The following ZFAT variants were observed in gnomAD, a reference collection of about 807,000 sequenced individuals.
ZFAT encodes the protein zinc finger protein ZFAT.
A neutral mutation model predicts 117.7 loss-of-function variants in ZFAT; 64 were observed. The observed-to-expected ratio is 0.54, with a 90% CI of 0.44 to 0.67. The LOEUF (loss-of-function observed/expected upper bound fraction) is 0.67. Among genes scored for constraint, ZFAT ranks in the 30% least tolerant of loss-of-function variants. The pLI, the probability that ZFAT is intolerant of heterozygous loss-of-function variation, is 0.00. For synonymous variants in ZFAT, 679 were observed against 615.0 expected, an observed-to-expected ratio of 1.10 and a Z score of -1.54; for missense variants, 1,433 against 1,584.5, an observed-to-expected ratio of 0.90 and a Z score of 1.62.
rs148977305 is a variant in ZFAT, at chr8:134,639,873, C to T, written c.197-2161G>A. 73 of 433,164 alleles carry T rather than the reference C, an allele frequency of 1.7e-4. No homozygotes were observed. The East Asian group carries it at 4.6e-3, about 27-fold the overall frequency. The allele number at this position is 433,164 out of a possible 1,614,324, so 26.8% of individuals were successfully genotyped here. ...CCCAGTGACAGACTCTGCCATCCCG[C>T]AGACACAAGCCACTCCCCTGAAACA... On this transcript the variant is annotated intron_variant, in intron 2 of 15. Transcript: ENST00000377838.
the ZFAT span, chr8:134,796,862 T>C: frequency 2.6e-5 from 4 of 152,216 alleles, no homozygotes; most frequent in African/African-American, 7.2e-5. Context: ...CTGATATTAA[T>C]TTCTATATGT....
At chr8:134,776,170 A>G in the ZFAT span, among the ~76,000 whole-genome samples, 6 of 152,342 alleles carry the variant, frequency 3.9e-5, no homozygotes, top group Admixed American at 3.3e-4. Context: ...GTGGTATTAT[A>G]ATACTCATTT....
intron 12 of ZFAT, among the ~76,000 whole-genome samples, chr8:134,523,116 GAAGTTTTTTAA>G (rs1392293172): frequency 6.6e-6 from 1 of 152,116 alleles, no homozygotes; most frequent in Non-Finnish European, 1.5e-5. Context: ...CCATCATCCT[GAAGTTTTTTAA>G]AAGCCCCTCA....
chr8:134,729,298 C>T, the ZFAT span, among the ~76,000 whole-genome samples: 1 of 152,144 alleles, frequency 6.6e-6, no homozygotes, highest in Non-Finnish European at 1.5e-5. Context: ...ATTTGGGCTG[C>T]CCCTGGGATT....
intron 11 of ZFAT, among the ~76,000 whole-genome samples, chr8:134,560,515 T>C (rs1205563437): frequency 6.6e-6 from 1 of 152,232 alleles, no homozygotes; most frequent in Non-Finnish European, 1.5e-5. Context: ...GGCTCTGTCA[T>C]TGAGAACATT....
the ZFAT span, among the ~76,000 whole-genome samples, chr8:134,823,001 A>C: frequency 1.4e-4 from 21 of 152,228 alleles, no homozygotes; most frequent in Non-Finnish European, 2.4e-4. Context: ...GGAATATGAA[A>C]GTTTAGGACT....
At chr8:134,627,469 C>G (rs1425071870) in intron 3 of ZFAT, among the ~76,000 whole-genome samples, 11 of 152,262 alleles carry the variant, frequency 7.2e-5, no homozygotes, top group Non-Finnish European at 1.6e-4. Context: ...AAACTGATAG[C>G]TGAAGCCGAA....
At position 134,636,485 on chromosome 8, in the gene ZFAT, C is replaced by T. The variant is rs146488664; in HGVS notation, c.448+976G>A. Among the ~76,000 whole-genome samples the T allele has an allele frequency of 1.5e-3, 235 of 152,278 alleles. 1 individual carries two copies. The highest frequency in any genetic ancestry group is 5.4e-3 in the African/African-American group (223 of 41,544). ...AAAGCAACCATAGGAGACAGGACTG[C>T]TTTTATTCCAATTTTACGGATGAGG... On this transcript the variant is annotated intron_variant, in intron 3 of 15. Coordinates refer to ENST00000377838, the MANE Select transcript of ZFAT (RefSeq NM_020863.4).
At chr8:134,807,775 C>T in the ZFAT span, among the ~76,000 whole-genome samples, 1 of 150,352 alleles carries the variant, frequency 6.7e-6, no homozygotes, top group African/African-American at 2.4e-5. Flanking sequence ...TGTTTTCAAT[C>T]CATTCAATAA....
At chr8:134,497,430 T>G (rs1310757192) in intron 15 of ZFAT, among the ~76,000 whole-genome samples, 4 of 151,114 alleles carry the variant, frequency 2.6e-5, no homozygotes, top group African/African-American at 4.9e-5. Flanking sequence ...CCTGATTTGG[T>G]AGGGTTGGGG....
chr8:134,657,602 A>AGG lies in ZFAT; in HGVS notation c.154_155insCC (p.Leu52ProfsTer2). On this transcript the variant is annotated frameshift_variant, in exon 2 of 16. Transcript: ENST00000377838. LOFTEE classifies it high-confidence loss of function. ...TGAGTTGGGGGGTTCAGGTGTACTC[A>AGG]GAGGCCTAAGGGGAATAATAATCTC... The AGG allele has an allele frequency of 6.2e-7, 1 of 1,614,024 alleles. No homozygotes were observed. Among genetic ancestry groups the AGG allele is most frequent in the Non-Finnish European group, 8.5e-7 (1 of 1,179,996 alleles).
intron 15 of ZFAT, among the ~76,000 whole-genome samples, chr8:134,481,476 A>G (rs1328727576): frequency 5.3e-5 from 8 of 152,192 alleles, no homozygotes; most frequent in Admixed American, 5.2e-4. Context: ...AGCGAACCCT[A>G]AAGAGGACAG....
chr8:134,510,516 C>G (rs905113003), intron 14 of ZFAT, among the ~76,000 whole-genome samples: 1 of 152,124 alleles, frequency 6.6e-6, no homozygotes, highest in African/African-American at 2.4e-5. Flanking sequence ...AATAAGAGAT[C>G]AGAGAAGGGG....
chr8:134,764,495 A>T, the ZFAT span, among the ~76,000 whole-genome samples: 143 of 152,366 alleles, frequency 9.4e-4, no homozygotes, highest in Non-Finnish European at 1.7e-3. Flanking sequence ...CTATGCAAAT[A>T]CAGTAAATAT....
the ZFAT span, chr8:134,792,864 CTTA>C: frequency 2.0e-5 from 3 of 152,112 alleles, no homozygotes; most frequent in Admixed American, 6.6e-5. Flanking sequence ...GATAATAGCA[CTTA>C]TTAATTCATA....
chr8:134,750,725 C>T, the ZFAT span, among the ~76,000 whole-genome samples: 1 of 152,116 alleles, frequency 6.6e-6, no homozygotes, highest in Admixed American at 6.5e-5. Context: ...GTGATTGCAC[C>T]ACTGCACTCC....
intron 1 of ZFAT, among the ~76,000 whole-genome samples, chr8:134,705,377 G>GT (rs61505145): frequency 0.35 from 48,460 of 136,976 alleles, 9,013 homozygotes; most frequent in South Asian, 0.42. Flanking sequence ...GTTTTTTTTT[G>GT]TTTTTTTTTT....
intron 11 of ZFAT, among the ~76,000 whole-genome samples, chr8:134,552,229 A>C (rs1329747650): frequency 1.3e-5 from 2 of 152,184 alleles, no homozygotes; most frequent in Non-Finnish European, 1.5e-5. Flanking sequence ...TGCCTGACAC[A>C]GAAGTGCCTG....
intron 15 of ZFAT, among the ~76,000 whole-genome samples, chr8:134,489,067 C>T (rs1182442516): frequency 6.6e-6 from 1 of 151,704 alleles, no homozygotes; most frequent in Non-Finnish European, 1.5e-5. Context: ...CCATCAGGAA[C>T]CAGATCATGA....
Sources: gnomAD v4.1 joint callset for allele counts (sites outside exome capture counted in the v4.1 genomes callset) on GRCh38, gnomAD v4.1.1 for gene constraint, MANE v1.5 for transcripts, NCBI Gene and HGNC (gene_info 2026-07-23, HGNC 2026-07-21) for gene names.